Variants in AFG3L2 observed in about 807,000 individuals in gnomAD.
The protein encoded by AFG3L2 is AFG3 like matrix AAA peptidase subunit 2, also known as mitochondrial inner membrane m-AAA protease component AFG3L2.
AFG3L2 carries 54 observed loss-of-function variants against 94.5 expected under a neutral mutation model. That is an observed-to-expected ratio of 0.57 (90% CI 0.46 to 0.72). The LOEUF is 0.72. Ranked by LOEUF, AFG3L2 falls within the 30% of genes least tolerant of loss-of-function variation. The probability of loss-of-function intolerance (pLI) is 0.00; values close to 1 mark genes in which losing one functional copy is unlikely to be tolerated. For synonymous variants in AFG3L2, 377 were observed against 365.5 expected, an observed-to-expected ratio of 1.03 and a Z score of -0.36; for missense variants, 754 against 994.9, an observed-to-expected ratio of 0.76 and a Z score of 3.26.
chr18:12,333,524 G>A (rs1343824583), intron 16 of AFG3L2, among the ~76,000 whole-genome samples: 4 of 149,886 alleles, frequency 2.7e-5, no homozygotes, highest in African/African-American at 4.9e-5. Context: ...CCACCATGCC[G>A]GGCTAATTTT....
chr18:12,349,413 G>A (rs1173170706), intron 12 of AFG3L2, among the ~76,000 whole-genome samples: 1 of 152,188 alleles, frequency 6.6e-6, no homozygotes, highest in Non-Finnish European at 1.5e-5. Flanking sequence ...TATATACCAA[G>A]AGAAACACTA....
At chr18:12,376,554 C>T (rs1374312809) in intron 1 of AFG3L2, among the ~76,000 whole-genome samples, 3 of 152,196 alleles carry the variant, frequency 2.0e-5, no homozygotes, top group African/African-American at 7.2e-5. Context: ...AACACGGAGA[C>T]TCGGAGAGGT....
intron 15 of AFG3L2, among the ~76,000 whole-genome samples, chr18:12,338,327 T>C (rs1907820947): frequency 6.6e-6 from 1 of 151,902 alleles, no homozygotes; most frequent in Non-Finnish European, 1.5e-5. Context: ...TGCCAACAGG[T>C]TCTTCCCAGA....
chr18:12,358,024 G>C (rs75720875), intron 8 of AFG3L2, among the ~76,000 whole-genome samples: 1 of 132,858 alleles, frequency 7.5e-6, no homozygotes, highest in Non-Finnish European at 1.7e-5. Flanking sequence ...TCAAGGAAAT[G>C]ATTATCTTTC....
chr18:12,353,751 T>C (rs996695465), intron 9 of AFG3L2, among the ~76,000 whole-genome samples: 5 of 152,172 alleles, frequency 3.3e-5, no homozygotes, highest in Non-Finnish European at 7.4e-5. Flanking sequence ...TTTTGTAACA[T>C]CAACAAATTA....
At chr18:12,334,964 C>T (rs8095848) in intron 16 of AFG3L2, among the ~76,000 whole-genome samples, 8,378 of 152,212 alleles carry the variant, frequency 0.055, 741 homozygotes, top group African/African-American at 0.19. Context: ...AATAAAATCT[C>T]GGGACCCTAA....
chr18:12,363,134 T>C (rs139027651), intron 6 of AFG3L2, among the ~76,000 whole-genome samples: 7 of 152,292 alleles, frequency 4.6e-5, no homozygotes, highest in Non-Finnish European at 1.0e-4. Context: ...TGTCCTTAAA[T>C]GTTGCCCTGT....
chr18:12,356,310 C>T (rs1908493921), intron 9 of AFG3L2, among the ~76,000 whole-genome samples: 1 of 152,116 alleles, frequency 6.6e-6, no homozygotes, highest in African/African-American at 2.4e-5. Context: ...CGCGACCACG[C>T]CTGGCTAATT....
chr18:12,374,058 A>T (rs1341526193), intron 1 of AFG3L2, among the ~76,000 whole-genome samples: 1 of 152,174 alleles, frequency 6.6e-6, no homozygotes, highest in Non-Finnish European at 1.5e-5. Context: ...TGCGCTCCAT[A>T]AATATTGACA....
At chr18:12,375,027 G>A (rs1418562147) in intron 1 of AFG3L2, among the ~76,000 whole-genome samples, 1 of 148,268 alleles carries the variant, frequency 6.7e-6, no homozygotes, top group African/African-American at 2.5e-5. Flanking sequence ...CTGCACTCCA[G>A]TCTGGGCGAC....
intron 9 of AFG3L2, among the ~76,000 whole-genome samples, chr18:12,354,711 T>G (rs1230476071): frequency 6.6e-6 from 1 of 151,950 alleles, no homozygotes; most frequent in South Asian, 2.1e-4. Flanking sequence ...ACAGACACAC[T>G]CAGGTATCTC....
chr18:12,332,117 A>G (rs1216584358), intron 16 of AFG3L2, among the ~76,000 whole-genome samples: 1 of 130,104 alleles, frequency 7.7e-6, no homozygotes, highest in African/African-American at 3.0e-5. Context: ...TTGATCTCAT[A>G]AAATGATTTT....
chr18:12,350,221 G>A (rs917753430), intron 12 of AFG3L2, among the ~76,000 whole-genome samples: 1 of 151,552 alleles, frequency 6.6e-6, no homozygotes, highest in Non-Finnish European at 1.5e-5. Context: ...ATGTTAGCCA[G>A]GCTGGTCTCG....
rs1188983661 is a variant in AFG3L2 at position 12,337,355 on chromosome 18, C to T, written c.2161G>A (p.Ala721Thr). 1 of 1,613,992 alleles carries T rather than the reference C, an allele frequency of 6.2e-7. No homozygotes were observed. Among genetic ancestry groups the T allele is most frequent in the Non-Finnish European group, 8.5e-7 (1 of 1,179,978 alleles). The change falls in exon 16 of 17, where the codon GCT becomes ACT. Residue 721 changes from alanine (A) to threonine (T), a missense_variant. By Grantham distance (58) the Ala-to-Thr change is moderately conservative. Coordinates refer to ENST00000269143, the MANE Select transcript of AFG3L2 (RefSeq NM_006796.3). ...CTGGCACCTACCTTCTCCACGTCAG[C>T]TTTCTTTTCTGTGAGAAGAGCTACT... is the stretch of plus-strand genomic sequence containing the variant. The part of the protein sequence containing the change: ...RTVALLTEKK[A>T]DVEKVALLLL...
rs550874888 is a variant in AFG3L2 at position 12,335,937 on chromosome 18, T to C, written c.2175+1404A>G. 5.9e-5 allele frequency among the ~76,000 whole-genome samples: 9 copies of C among 152,390 alleles called. No homozygotes were observed. The South Asian group carries it at 1.9e-3, about 32-fold the overall frequency. ...GGGTTATAGTCGGCTTCTTGAAGAC[T>C]TGCTGATTGAACAGCATAATCTTAG... On this transcript the variant is annotated intron_variant, in intron 16 of 16. Coordinates refer to ENST00000269143, the MANE Select transcript of AFG3L2 (RefSeq NM_006796.3).
intron 3 of AFG3L2, among the ~76,000 whole-genome samples, chr18:12,368,077 G>A (rs1469691592): frequency 1.3e-5 from 2 of 152,088 alleles, no homozygotes; most frequent in Non-Finnish European, 2.9e-5. Flanking sequence ...TGAGGCAGGA[G>A]AATCGCTTCA....
intron 14 of AFG3L2, 22 bp downstream of exon 14, chr18:12,344,110 T>G (rs376915348): frequency 1.4e-5 from 23 of 1,593,844 alleles, no homozygotes; most frequent in Non-Finnish European, 1.9e-5. Context: ...ACTGGCTGCC[T>G]AGTGCAGCTA....
chr18:12,363,710 G>T, intron 6 of AFG3L2, 72 bp downstream of exon 6: 1 of 1,271,776 alleles, frequency 7.9e-7, no homozygotes, highest in Non-Finnish European at 1.1e-6. Flanking sequence ...TATGAGGCAG[G>T]TTTTCCTTTC....
chr18:12,336,501 A>C (rs1411866120), intron 16 of AFG3L2, among the ~76,000 whole-genome samples: 2 of 151,980 alleles, frequency 1.3e-5, no homozygotes, highest in Non-Finnish European at 2.9e-5. Context: ...ATCCTTGAAA[A>C]ACCCTGGTCT....
Sources: gnomAD v4.1 joint callset for allele counts (sites outside exome capture counted in the v4.1 genomes callset) on GRCh38, gnomAD v4.1.1 for gene constraint, MANE v1.5 for transcripts, NCBI Gene and HGNC (gene_info 2026-07-23, HGNC 2026-07-21) for gene names.